The following EYA2 variants were observed in gnomAD, a reference collection of about 807,000 sequenced individuals.
EYA2 encodes the protein EYA transcriptional coactivator and phosphatase 2, also known as protein phosphatase EYA2.
In EYA2, 31 loss-of-function variants were observed where a neutral mutation model predicts 69.2. The observed-to-expected ratio is 0.45, with a 90% CI of 0.34 to 0.60. The LOEUF (loss-of-function observed/expected upper bound fraction) is 0.60. Among genes scored for constraint, EYA2 ranks in the 20% least tolerant of loss-of-function variants. The pLI is 0.02. For synonymous variants in EYA2, 257 were observed against 279.4 expected (o/e 0.92, Z 0.80); for missense variants, 622 against 701.2 (o/e 0.89, Z 1.28).
chr20:47,041,690 C>G (rs1288123524), intron 5 of EYA2, among the ~76,000 whole-genome samples: 1 of 152,108 alleles, frequency 6.6e-6, no homozygotes, highest in Non-Finnish European at 1.5e-5. Flanking sequence ...GTGCAGGGAT[C>G]AATTAGTGAT....
intron 1 of EYA2, among the ~76,000 whole-genome samples, chr20:46,926,941 T>A (rs1280508319): frequency 1.3e-5 from 2 of 152,104 alleles, no homozygotes; most frequent in African/African-American, 2.4e-5. Context: ...GGAAAGCAGG[T>A]GCCATGGGGT....
At chr20:47,120,732 C>T (rs551630208) in intron 9 of EYA2, among the ~76,000 whole-genome samples, 3 of 152,248 alleles carry the variant, frequency 2.0e-5, no homozygotes, top group East Asian at 1.9e-4. Context: ...AAGACAAGCC[C>T]GAGAATGATT....
At chr20:47,014,585 A>G (rs1003650200) in intron 4 of EYA2, among the ~76,000 whole-genome samples, 1 of 151,152 alleles carries the variant, frequency 6.6e-6, no homozygotes, top group African/African-American at 2.4e-5. Context: ...GATTCCAGCT[A>G]CTGGGAATTT....
At chr20:47,043,447 C>T (rs1055325905) in intron 5 of EYA2, among the ~76,000 whole-genome samples, 1 of 152,188 alleles carries the variant, frequency 6.6e-6, no homozygotes, top group African/African-American at 2.4e-5. Flanking sequence ...TGAAGCCAGT[C>T]CTGCTTCTCC....
chr20:46,962,362 G>A (rs1043051221), intron 1 of EYA2, among the ~76,000 whole-genome samples: 4 of 152,156 alleles, frequency 2.6e-5, no homozygotes, highest in African/African-American at 9.7e-5. Flanking sequence ...ATAAAGAAAT[G>A]ATAAATGTTT....
intron 1 of EYA2, among the ~76,000 whole-genome samples, chr20:46,973,372 G>T (rs574596079): frequency 1.3e-5 from 2 of 152,176 alleles, no homozygotes; most frequent in Admixed American, 1.3e-4. Context: ...AAATGTAGGC[G>T]ATACAATAAG....
At position 47,167,280 on chromosome 20, in the gene EYA2, C is replaced by CTT. The variant is rs11470455; in HGVS notation, c.979-1841_979-1840dup. ...TCTGAGAGGAGAATCGGTTTTTTTA[C>CTT]TTTTTTTTTTTTTTTTTTTGAGACA... On this transcript the variant is annotated intron_variant, in intron 10 of 15. Transcript: ENST00000327619. Among the ~76,000 whole-genome samples, 31 of 111,718 alleles carry CTT rather than the reference C, an allele frequency of 2.8e-4. 2 individuals are homozygous for CTT. Among genetic ancestry groups the CTT allele is most frequent in the African/African-American group, 8.7e-4 (24 of 27,474 alleles). 73.3% of individuals were successfully genotyped at this position (111,718 alleles called of 152,430 possible). A position where few individuals can be genotyped will look rare whatever the true frequency, so the allele number is the denominator to read the frequency against.
intron 9 of EYA2, among the ~76,000 whole-genome samples, chr20:47,140,219 A>G (rs2033565841): frequency 6.6e-6 from 1 of 152,206 alleles, no homozygotes; most frequent in African/African-American, 2.4e-5. Context: ...CCCAGGTCAC[A>G]CACGATTCCC....
At chr20:47,151,713 C>T (rs913352048) in intron 10 of EYA2, among the ~76,000 whole-genome samples, 2 of 151,940 alleles carry the variant, frequency 1.3e-5, no homozygotes, top group Non-Finnish European at 2.9e-5. Context: ...GCTCCCAGGA[C>T]GCCTCATACT....
chr20:47,135,623 A>AAAATTT (rs2033445150), intron 9 of EYA2, among the ~76,000 whole-genome samples: 1 of 151,908 alleles, frequency 6.6e-6, no homozygotes, highest in Non-Finnish European at 1.5e-5. Context: ...AGGGTTGTAC[A>AAAATTT]GCTAATTAGT....
At chr20:46,896,869 T>A (rs1983836372) in intron 1 of EYA2, among the ~76,000 whole-genome samples, 1 of 152,176 alleles carries the variant, frequency 6.6e-6, no homozygotes, top group Non-Finnish European at 1.5e-5. Flanking sequence ...GCATTTTTCT[T>A]TTCTGTCTTA....
intron 5 of EYA2, among the ~76,000 whole-genome samples, chr20:47,051,162 G>C (rs1316515088): frequency 6.6e-6 from 1 of 152,230 alleles, no homozygotes; most frequent in African/African-American, 2.4e-5. Context: ...CCCTCTCGTT[G>C]AGCACTGGCT....
At chr20:47,120,727 A>G (rs2146557714) in intron 9 of EYA2, among the ~76,000 whole-genome samples, 1 of 152,358 alleles carries the variant, frequency 6.6e-6, no homozygotes, top group Middle Eastern at 3.4e-3. Flanking sequence ...CTCATAAGAC[A>G]AGCCCGAGAA....
At chr20:46,934,990 T>G (rs776304872) in intron 1 of EYA2, among the ~76,000 whole-genome samples, 2 of 152,208 alleles carry the variant, frequency 1.3e-5, no homozygotes, top group African/African-American at 2.4e-5. Context: ...ATAAGCAAAG[T>G]CCCTGATTAT....
At chr20:47,004,630 A>T (rs915159129) in intron 3 of EYA2, among the ~76,000 whole-genome samples, 3 of 152,110 alleles carry the variant, frequency 2.0e-5, no homozygotes, top group Admixed American at 2.0e-4. Context: ...CTATCAAAAG[A>T]GGAGAAAGGA....
At chr20:47,003,601 A>G (rs1392554482) in intron 3 of EYA2, among the ~76,000 whole-genome samples, 1 of 152,258 alleles carries the variant, frequency 6.6e-6, no homozygotes, top group African/African-American at 2.4e-5. Context: ...CCTGGTTTTC[A>G]AATTTTAACA....
intron 4 of EYA2, among the ~76,000 whole-genome samples, chr20:47,010,287 G>A (rs1982977876): frequency 1.3e-5 from 2 of 152,202 alleles, no homozygotes; most frequent in African/African-American, 2.4e-5. Flanking sequence ...CTGGCCAGTT[G>A]GGCCTGCTGC....
At chr20:46,951,241 A>G (rs1978775805) in intron 1 of EYA2, among the ~76,000 whole-genome samples, 1 of 152,182 alleles carries the variant, frequency 6.6e-6, no homozygotes, top group Non-Finnish European at 1.5e-5. Flanking sequence ...GTTTCCTGAT[A>G]GAGATATCCA....
chr20:46,900,158 G>T lies in EYA2; in HGVS notation c.-11+5171G>T, dbSNP rs73303603. 5.0e-3 allele frequency among the ~76,000 whole-genome samples: 761 copies of T among 152,102 alleles called. 12 individuals carry two copies. Among genetic ancestry groups the T allele is most frequent in the African/African-American group, 0.017 (722 of 41,462 alleles). On this transcript the variant is annotated intron_variant, in intron 1 of 15. Transcript: ENST00000327619. ...CTGTGTTCCCAGATGTAATAGATAC[G>T]AACGTATCTACTTGCAGTCATTCAG...
Sources: allele counts gnomAD v4.1 joint callset (sites outside exome capture counted in the v4.1 genomes callset), GRCh38; gene constraint gnomAD v4.1.1; transcripts MANE v1.5; gene names NCBI Gene and HGNC (gene_info 2026-07-23, HGNC 2026-07-21).